ST6GALNAC2: variants seen among roughly 807,000 people sequenced by gnomAD.
The protein encoded by ST6GALNAC2 is ST6 N-acetylgalactosaminide alpha-2,6-sialyltransferase 2.
Under a neutral mutation model 38.7 loss-of-function variants are expected in ST6GALNAC2, and 42 were observed. That is an observed-to-expected ratio of 1.09 (90% CI 0.85 to 1.40). The LOEUF (loss-of-function observed/expected upper bound fraction) is 1.40. Among genes scored for constraint, ST6GALNAC2 ranks in the 40% most tolerant of loss-of-function variants. ST6GALNAC2 has a pLI of 0.00. For missense variants in ST6GALNAC2, 506 were observed against 481.7 expected, an observed-to-expected ratio of 1.05 and a Z score of -0.47; for synonymous variants, 233 against 209.0, an observed-to-expected ratio of 1.11 and a Z score of -0.99.
chr17:76,585,612 C>A, intron 1 of ST6GALNAC2, 72 bp downstream of exon 1: 1 of 1,425,958 alleles, frequency 7.0e-7, no homozygotes. Flanking sequence ...CGCCGGGGAG[C>A]CCTGGGCTGG....
chr17:76,574,838 G>T (rs1476028504), intron 2 of ST6GALNAC2, among the ~76,000 whole-genome samples: 1 of 151,996 alleles, frequency 6.6e-6, no homozygotes, highest in African/African-American at 2.4e-5. Context: ...CACCACGCCC[G>T]GCTAATTTTT....
rs765248421 is a variant in ST6GALNAC2, at chr17:76,568,877, C to T, written c.774-81G>A. 3.8e-5 allele frequency: 52 copies of T among 1,384,850 alleles called. No homozygotes were observed. The East Asian group carries it at 4.2e-4, about 11-fold the overall frequency. 85.8% of individuals were successfully genotyped at this position (1,384,850 alleles called of 1,614,324 possible). On this transcript the variant is annotated intron_variant, in intron 6 of 8. Coordinates refer to ENST00000225276, the MANE Select transcript of ST6GALNAC2 (RefSeq NM_006456.3). The stretch of plus-strand genomic sequence containing the variant: ...GAGATGGAGGGGAGGGTCAGGGCGC[C>T]GGAGTAGCCGCGGTACCCTGAGCGG...
intron 2 of ST6GALNAC2, among the ~76,000 whole-genome samples, chr17:76,577,923 TG>T (rs1285311317): frequency 6.6e-6 from 1 of 152,152 alleles, no homozygotes; most frequent in Non-Finnish European, 1.5e-5. Context: ...CTACTTGCTG[TG>T]TCTCTGAACA....
At chr17:76,579,484 C>G (rs1347406272) in intron 1 of ST6GALNAC2, among the ~76,000 whole-genome samples, 1 of 152,214 alleles carries the variant, frequency 6.6e-6, no homozygotes, top group African/African-American at 2.4e-5. Context: ...CTGGGCCTTC[C>G]TTCCCCTTTG....
chr17:76,570,725 G>A, intron 5 of ST6GALNAC2, 57 bp from the exon 6 acceptor site: 1 of 1,373,100 alleles, frequency 7.3e-7, no homozygotes. Flanking sequence ...TAGCTCCTCA[G>A]TGTGGACAGC....
Position 76,565,735 on chromosome 17 carries a change from G to T in ST6GALNAC2, c.*369C>A. On this transcript the variant is annotated 3_prime_UTR_variant, in exon 9 of 9. Transcript: ENST00000225276. Reference sequence around the variant, plus strand: ...TCCTTGAATCACTTTAGCATCTGGGGTAGGATGTGCCACCAGGAGGATTTG... The same window carrying T: ...TCCTTGAATCACTTTAGCATCTGGGTTAGGATGTGCCACCAGGAGGATTTG... 1 of 196,206 alleles carries T rather than the reference G, an allele frequency of 5.1e-6. No individual in the cohort carries two copies. The highest frequency in any genetic ancestry group is 1.0e-5 in the Non-Finnish European group (1 of 95,624). 12.2% of individuals were successfully genotyped at this position (196,206 alleles called of 1,614,324 possible). A position where few individuals can be genotyped will look rare whatever the true frequency, so the allele number is the denominator to read the frequency against.
At chr17:76,578,210 TACTTA>T (rs1273154319) in intron 2 of ST6GALNAC2, among the ~76,000 whole-genome samples, 1 of 152,004 alleles carries the variant, frequency 6.6e-6, no homozygotes, top group Non-Finnish European at 1.5e-5. Context: ...CTAAGCGGGG[TACTTA>T]ACTTCTTGGT....
chr17:76,583,839 C>T (rs1259822297), intron 1 of ST6GALNAC2, among the ~76,000 whole-genome samples: 2 of 144,566 alleles, frequency 1.4e-5, no homozygotes, highest in South Asian at 2.2e-4. Flanking sequence ...GATGGAGTCT[C>T]GCTCTGTCAC....
Position 76,565,895 on chromosome 17 carries a change from ATTG to A in ST6GALNAC2, c.*206_*208del. 1.9e-6 allele frequency: 1 copy of A among 521,568 alleles called. No homozygotes were observed. The highest frequency in any genetic ancestry group is 3.3e-6 in the Non-Finnish European group (1 of 299,856). 32.3% of individuals were successfully genotyped at this position (521,568 alleles called of 1,614,324 possible). A position where few individuals can be genotyped will look rare whatever the true frequency, so the allele number is the denominator to read the frequency against. On this transcript the variant is annotated 3_prime_UTR_variant, in exon 9 of 9. Coordinates refer to ENST00000225276, the MANE Select transcript of ST6GALNAC2 (RefSeq NM_006456.3). The stretch of plus-strand genomic sequence containing the variant: ...TTTCCCTTGGCCAAGATTGAGATGT[ATTG>A]TTTTAGATACAGAAGAGTTCTTGGA...
chr17:76,573,339 A>G lies in ST6GALNAC2; in HGVS notation c.386T>C (p.Leu129Pro). 6.4e-7 allele frequency: 1 copy of G among 1,568,976 alleles called. No individual in the cohort carries two copies. The highest frequency in any genetic ancestry group is 8.6e-7 in the Non-Finnish European group (1 of 1,156,540). ...HQVIASTLSL[L>P]NGSESAKLFA... Reference sequence around the variant, plus strand: ...CAGCTTGGCACTCTCTGAGCCGTTCAGAAGGCTCAGGGTGGAGGCGATGAC... The same window carrying G: ...CAGCTTGGCACTCTCTGAGCCGTTCGGAAGGCTCAGGGTGGAGGCGATGAC... The change falls in exon 4 of 9, where the codon CTG becomes CCG. Residue 129 changes from leucine to proline, a missense_variant. Physicochemically the swap from Leu to Pro is moderately conservative, Grantham distance 98. Transcript: ENST00000225276. This position sits in a 1 kb window ranked among gnomAD's most constrained non-coding sequence, Gnocchi z 5.1.
rs568260927 is a variant in ST6GALNAC2, at chr17:76,573,820, G to A, written c.362-457C>T. Among the ~76,000 whole-genome samples, 5 of 152,300 alleles carry A rather than the reference G, an allele frequency of 3.3e-5. No homozygotes were observed. The highest frequency in any genetic ancestry group is 2.1e-4 in the South Asian group (1 of 4,828). On this transcript the variant is annotated intron_variant, in intron 3 of 8. Transcript: ENST00000225276. This position sits in a 1 kb window ranked among gnomAD's most constrained non-coding sequence, Gnocchi z 5.1. The stretch of plus-strand genomic sequence containing the variant: ...GTGCGTGCCTAATCCCAGCTACTTG[G>A]GAGGCTGAGGCACAAGAATCACTTG...
chr17:76,569,324 G>A (rs1022016729), intron 6 of ST6GALNAC2: 36 of 144,584 alleles, frequency 2.5e-4, no homozygotes, highest in African/African-American at 8.5e-4. Flanking sequence ...GACTTGGGGG[G>A]CACAGCGGGG....
intron 6 of ST6GALNAC2, 89 bp downstream of exon 6, chr17:76,570,476 C>T: frequency 1.2e-6 from 1 of 857,268 alleles, no homozygotes; most frequent in East Asian, 2.7e-5. Flanking sequence ...CCTCTTACCC[C>T]ATGATGGGCC....
intron 7 of ST6GALNAC2, chr17:76,568,407 C>A: frequency 2.4e-6 from 1 of 413,132 alleles, no homozygotes; most frequent in Non-Finnish European, 4.4e-6. Flanking sequence ...CTGCTGCTGA[C>A]GGCGCCACTG....
chr17:76,582,623 C>G (rs571382848), intron 1 of ST6GALNAC2, among the ~76,000 whole-genome samples: 2 of 152,240 alleles, frequency 1.3e-5, no homozygotes, highest in Non-Finnish European at 2.9e-5. Flanking sequence ...ACCCACTGAT[C>G]CAGATTCTGC....
intron 5 of ST6GALNAC2, 37 bp from the exon 6 acceptor site, chr17:76,570,705 AGGACATGTTTAGCTCCTCAGTGT>A: frequency 6.5e-7 from 1 of 1,534,936 alleles, no homozygotes; most frequent in Non-Finnish European, 8.9e-7. Context: ...GAGGGGAACC[AGGACATGTTTAGCTCCTCAGTGT>A]GGACAGCCCT....
chr17:76,572,614 G>T (rs1339085111), intron 5 of ST6GALNAC2, 23 bp downstream of exon 5: 42 of 1,613,524 alleles, frequency 2.6e-5, no homozygotes, highest in Non-Finnish European at 3.6e-5. Flanking sequence ...CAACCACAAT[G>T]GCATGCCCGC....
chr17:76,570,485 C>G, intron 6 of ST6GALNAC2, 80 bp downstream of exon 6: 1 of 970,684 alleles, frequency 1.0e-6, no homozygotes, highest in South Asian at 1.4e-5. Context: ...CCATGATGGG[C>G]CCTGGGAGCA....
intron 1 of ST6GALNAC2, among the ~76,000 whole-genome samples, chr17:76,583,590 T>C (rs1051046551): frequency 7.8e-6 from 1 of 128,976 alleles, no homozygotes; most frequent in Non-Finnish European, 1.6e-5. Flanking sequence ...AGGAACCACA[T>C]TTGGTGAAGG....
Sources: gnomAD v4.1 joint callset for allele counts (sites outside exome capture counted in the v4.1 genomes callset) on GRCh38, gnomAD v4.1.1 for gene constraint, Gnocchi (gnomAD v3.1) non-coding constraint, MANE v1.5 for transcripts, NCBI Gene and HGNC (gene_info 2026-07-23, HGNC 2026-07-21) for gene names.